Variants in COL21A1 observed in about 807,000 individuals in gnomAD.
COL21A1 encodes collagen type XXI alpha 1 chain, also known as collagen alpha-1(XXI) chain.
Under a neutral mutation model 137.9 loss-of-function variants are expected in COL21A1, and 149 were observed. The ratio of observed to expected loss-of-function variants is 1.08; its 90% CI spans 0.95 to 1.24. COL21A1 has a LOEUF of 1.24. Among genes scored for constraint, COL21A1 ranks in the 50% most tolerant of loss-of-function variants. The pLI is 0.00. For missense variants in COL21A1, 1,167 were observed against 1,158.4 expected (o/e 1.01, Z -0.11); for synonymous variants, 456 against 391.5 (o/e 1.16, Z -1.95).
intron 1 of COL21A1, among the ~76,000 whole-genome samples, chr6:56,364,588 C>T (rs1766054322): frequency 6.6e-6 from 1 of 152,140 alleles, no homozygotes; most frequent in Admixed American, 6.5e-5. Context: ...TGCTATGCTG[C>T]TTTTCCCATC....
At chr6:56,373,254 G>A (rs190469395) in intron 1 of COL21A1, among the ~76,000 whole-genome samples, 31 of 152,242 alleles carry the variant, frequency 2.0e-4, no homozygotes, top group Admixed American at 5.2e-4. Context: ...GGCCACCCTA[G>A]GGATTCCATC....
Position 56,159,061 on chromosome 6 carries a change from T to C in COL21A1, c.1372-2112A>G, listed in dbSNP as rs988902857. Among the ~76,000 whole-genome samples, 6 of 152,162 alleles carry C rather than the reference T, an allele frequency of 3.9e-5. No homozygotes were observed. In the East Asian group the frequency reaches 1.2e-3, roughly 29 times the overall value. ...CTCCAGCCTCCCTGCCATCCTTCCT[T>C]ATCCATGTGCTGATTGGACTTGCTG... On this transcript the variant is annotated intron_variant, in intron 9 of 29. Transcript: ENST00000244728.
chr6:56,203,745 C>T lies in COL21A1; in HGVS notation c.-38-21089G>A, dbSNP rs186808986. ...GATCAACACAGAAGGTGGGTGATTTCTGCATTTCCAACTGAGGTACCCAGT... is the reference window on the plus strand; with the variant it reads ...GATCAACACAGAAGGTGGGTGATTTTTGCATTTCCAACTGAGGTACCCAGT... On this transcript the variant is annotated intron_variant, in intron 1 of 29. Coordinates refer to ENST00000244728, the MANE Select transcript of COL21A1 (RefSeq NM_030820.4). Among the ~76,000 whole-genome samples the T allele has an allele frequency of 9.8e-5, 15 of 152,344 alleles. No homozygotes were observed. In the East Asian group the frequency reaches 2.9e-3, roughly 29 times the overall value.
chr6:56,152,135 A>C (rs1775377495), intron 10 of COL21A1, among the ~76,000 whole-genome samples: 1 of 152,188 alleles, frequency 6.6e-6, no homozygotes, highest in Non-Finnish European at 1.5e-5. Flanking sequence ...TTAAGGTACC[A>C]GCCAGACTGC....
chr6:56,334,416 G>C (rs1447180698), intron 1 of COL21A1, among the ~76,000 whole-genome samples: 4 of 152,100 alleles, frequency 2.6e-5, no homozygotes, highest in African/African-American at 7.2e-5. Flanking sequence ...CTTTAGCTTA[G>C]TATACAAGGA....
rs541227377 is a variant in COL21A1, at chr6:56,164,153, C to A, written c.1371+270G>T. On this transcript the variant is annotated intron_variant, in intron 9 of 29. Transcript: ENST00000244728. ...AAGTATTGTTCTTGGGATCTAGCAG[C>A]AGTATTTGGGGGAAAAAAACAACCA... Among the ~76,000 whole-genome samples, 5 of 152,096 alleles carry A rather than the reference C, an allele frequency of 3.3e-5. No homozygotes were observed. In the East Asian group the frequency reaches 9.7e-4, roughly 29 times the overall value.
chr6:56,339,991 G>GT (rs1407645266), intron 1 of COL21A1, among the ~76,000 whole-genome samples: 1 of 152,138 alleles, frequency 6.6e-6, no homozygotes, highest in Non-Finnish European at 1.5e-5. Flanking sequence ...TGTGCCAGTA[G>GT]TTTGGACATC....
At chr6:56,096,150 A>AT (rs11459201) in intron 17 of COL21A1, among the ~76,000 whole-genome samples, 146,391 of 148,534 alleles carry the variant, frequency 0.99, 72,150 homozygotes, top group East Asian at 1. Context: ...TCTGGCCTGC[A>AT]TTTTTTTTTT....
chr6:56,363,876 A>C (rs564588992), intron 1 of COL21A1, among the ~76,000 whole-genome samples: 1 of 152,354 alleles, frequency 6.6e-6, no homozygotes, highest in South Asian at 2.1e-4. Context: ...TAAAAGCAAG[A>C]ATGCCTATAT....
At chr6:56,077,955 C>T (rs1582263840) in intron 17 of COL21A1, 2 of 401,932 alleles carry the variant, frequency 5.0e-6, no homozygotes, top group South Asian at 3.7e-5. Context: ...CGCAACAGTT[C>T]CACAAGCCCT....
chr6:56,294,998 A>G (rs1764130116), intron 1 of COL21A1, among the ~76,000 whole-genome samples: 1 of 151,972 alleles, frequency 6.6e-6, no homozygotes, highest in African/African-American at 2.4e-5. Flanking sequence ...GGTATTGTAT[A>G]TAAAAAAGTC....
intron 1 of COL21A1, among the ~76,000 whole-genome samples, chr6:56,202,725 T>C (rs543927197): frequency 1.3e-5 from 2 of 152,192 alleles, no homozygotes; most frequent in African/African-American, 2.4e-5. Flanking sequence ...CTATATTACA[T>C]AATATCCGTC....
At chr6:56,099,429 G>T (rs975318072) in intron 17 of COL21A1, among the ~76,000 whole-genome samples, 3 of 151,172 alleles carry the variant, frequency 2.0e-5, no homozygotes, top group Admixed American at 6.6e-5. Flanking sequence ...GTAGAGACGG[G>T]GTTTCACCGT....
chr6:56,289,544 T>C (rs1269017734), intron 1 of COL21A1, among the ~76,000 whole-genome samples: 2 of 152,202 alleles, frequency 1.3e-5, no homozygotes, highest in Non-Finnish European at 2.9e-5. Context: ...GTCTCCAGCA[T>C]CTAGAAAAGC....
In COL21A1 at chr6:56,141,858, A is replaced by C. The variant is rs1349799554; in HGVS notation, c.1489-20T>G. 3.7e-6 allele frequency: 6 copies of C among 1,612,642 alleles called. No homozygotes were observed. Among genetic ancestry groups the C allele is most frequent in the African/African-American group, 2.7e-5 (2 of 75,002 alleles). On this transcript the variant is annotated intron_variant, in intron 11 of 29. Transcript: ENST00000244728. ...AGCTCCCTAAATTAACCAGAAAATA[A>C]AATTTTGTTAATTATCGGTTTTAGT...
intron 1 of COL21A1, among the ~76,000 whole-genome samples, chr6:56,258,202 T>C (rs1763161924): frequency 6.6e-6 from 1 of 152,166 alleles, no homozygotes; most frequent in South Asian, 2.1e-4. Context: ...TAGCAATAAC[T>C]TTTAAACAAC....
intron 1 of COL21A1, among the ~76,000 whole-genome samples, chr6:56,390,678 G>C (rs780372431): frequency 1.3e-5 from 2 of 151,688 alleles, no homozygotes; most frequent in Admixed American, 6.6e-5. Flanking sequence ...AGATAAAATA[G>C]ATTTCATGAC....
Position 56,156,929 on chromosome 6 carries a change from C to G in COL21A1, c.1392G>C (p.Gly464=). 1 of 1,611,836 alleles carries G rather than the reference C, an allele frequency of 6.2e-7. No homozygotes were observed. Among genetic ancestry groups the G allele is most frequent in the Non-Finnish European group, 8.5e-7 (1 of 1,179,058 alleles). Residue 464 remains glycine (G), a synonymous_variant, in exon 10 of 30, where the codon GGG becomes GGC. Transcript: ENST00000244728. ...QGPKGDPGLP[G]NPGYPGQPGQ... Reference sequence around the variant, plus strand: ...CAGGTTGTCCAGGGTAGCCAGGGTTCCCAGGCAGTCCAGGGTCACCCTAAG... The same window carrying G: ...CAGGTTGTCCAGGGTAGCCAGGGTTGCCAGGCAGTCCAGGGTCACCCTAAG...
chr6:56,310,019 C>A (rs1045398592), intron 1 of COL21A1, among the ~76,000 whole-genome samples: 4 of 152,080 alleles, frequency 2.6e-5, no homozygotes, highest in Non-Finnish European at 5.9e-5. Flanking sequence ...GTATTTTATT[C>A]TTCTTTGTAC....
Sources: gnomAD v4.1 joint callset for allele counts (sites outside exome capture counted in the v4.1 genomes callset) on GRCh38, gnomAD v4.1.1 for gene constraint, MANE v1.5 for transcripts, NCBI Gene and HGNC (gene_info 2026-07-23, HGNC 2026-07-21) for gene names.